PARD3: variants seen among roughly 807,000 people sequenced by gnomAD.
PARD3 encodes par-3 family cell polarity regulator.
PARD3 carries 75 observed loss-of-function variants against 155.4 expected under a neutral mutation model. That is an observed-to-expected ratio of 0.48 (90% CI 0.40 to 0.58). The LOEUF (loss-of-function observed/expected upper bound fraction) is 0.58, where lower values mean the gene tolerates loss of function less well. Ranked by LOEUF, PARD3 falls within the 20% of genes least tolerant of loss-of-function variation. PARD3 has a pLI of 0.00. For missense variants in PARD3, 1,642 were observed against 1,721.7 expected, an observed-to-expected ratio of 0.95 and a Z score of 0.82; for synonymous variants, 576 against 610.5, an observed-to-expected ratio of 0.94 and a Z score of 0.83.
At chr10:34,669,631 C>T (rs1160125139) in intron 2 of PARD3, among the ~76,000 whole-genome samples, 3 of 151,934 alleles carry the variant, frequency 2.0e-5, no homozygotes, top group Non-Finnish European at 4.4e-5. Context: ...ATTACCTTAC[C>T]TACTAACAAA....
At chr10:34,548,791 T>C (rs1168352214) in intron 2 of PARD3, among the ~76,000 whole-genome samples, 2 of 151,050 alleles carry the variant, frequency 1.3e-5, no homozygotes, top group Non-Finnish European at 2.9e-5. Flanking sequence ...TTGCAAATAC[T>C]TTGAACAAAA....
chr10:34,668,333 T>C (rs921531319), intron 2 of PARD3, among the ~76,000 whole-genome samples: 1 of 152,204 alleles, frequency 6.6e-6, no homozygotes, highest in South Asian at 2.1e-4. Flanking sequence ...CTTTTCATTA[T>C]AGTATTGTCT....
chr10:34,188,999 AGAGGTTTTAC>A (rs1439079631), intron 22 of PARD3, among the ~76,000 whole-genome samples: 1 of 152,106 alleles, frequency 6.6e-6, no homozygotes, highest in African/African-American at 2.4e-5. Context: ...AGATCCTTCC[AGAGGTTTTAC>A]GAGGTCAAAA....
chr10:34,781,488 T>G (rs1225721034), intron 1 of PARD3, among the ~76,000 whole-genome samples: 1 of 152,124 alleles, frequency 6.6e-6, no homozygotes, highest in African/African-American at 2.4e-5. Flanking sequence ...AAAAGGAAAA[T>G]GAACGAAAGA....
chr10:34,665,911 GA>G (rs2093457851), intron 2 of PARD3, among the ~76,000 whole-genome samples: 2 of 89,810 alleles, frequency 2.2e-5, no homozygotes, highest in South Asian at 2.7e-4. Context: ...AGAACAAAAA[GA>G]AAAGAAAAGA....
chr10:34,800,807 G>A (rs1194987077), intron 1 of PARD3, among the ~76,000 whole-genome samples: 1 of 142,994 alleles, frequency 7.0e-6, no homozygotes, highest in Non-Finnish European at 1.5e-5. Flanking sequence ...TAATGCCCCT[G>A]ATAAAAGCAC....
intron 2 of PARD3, among the ~76,000 whole-genome samples, chr10:34,527,696 A>G (rs1040267866): frequency 2.6e-5 from 4 of 152,214 alleles, no homozygotes; most frequent in Non-Finnish European, 5.9e-5. Context: ...CCACAAACCA[A>G]TATTAGCAAA....
intron 15 of PARD3, chr10:34,345,894 T>C (rs760646218): frequency 1.3e-5 from 13 of 985,272 alleles, no homozygotes; most frequent in Non-Finnish European, 1.3e-5. Flanking sequence ...ATTTTCAAAT[T>C]TGCAAAACAC....
At chr10:34,528,248 C>T (rs2082609908) in intron 2 of PARD3, among the ~76,000 whole-genome samples, 2 of 152,148 alleles carry the variant, frequency 1.3e-5, no homozygotes, top group South Asian at 4.1e-4. Flanking sequence ...TAGTCAAGCA[C>T]AAAGAGTTTA....
intron 1 of PARD3, among the ~76,000 whole-genome samples, chr10:34,715,777 C>T (rs1354973498): frequency 3.9e-5 from 6 of 152,172 alleles, no homozygotes; most frequent in South Asian, 2.1e-4. Context: ...GCAGGGTCAT[C>T]GCAATGAATG....
intron 1 of PARD3, among the ~76,000 whole-genome samples, chr10:34,803,228 G>A (rs1267217744): frequency 3.6e-5 from 5 of 140,472 alleles, no homozygotes; most frequent in Non-Finnish European, 7.5e-5. Flanking sequence ...AACAGAGTGA[G>A]ACTCCGTCTC....
intron 22 of PARD3, among the ~76,000 whole-genome samples, chr10:34,198,587 A>T (rs1951064447): frequency 6.6e-6 from 1 of 151,848 alleles, no homozygotes; most frequent in East Asian, 1.9e-4. Flanking sequence ...ACTTTTCTGC[A>T]TTTTAGAATA....
At position 34,341,731 on chromosome 10, in the gene PARD3, T is replaced by A. The variant is rs1307292270; in HGVS notation, c.2304A>T (p.Pro768=). Residue 768 remains proline, a synonymous_variant, in exon 16 of 25, where the codon CCA becomes CCT. Coordinates refer to ENST00000374788, the MANE Select transcript of PARD3 (RefSeq NM_001184785.2). ...IEDDRLPVLP[P]HLSDQSSSSS... ...TGGAAGAGGACTGGTCAGAGAGATG[T>A]GGAGGAAGCACTGGCAACCTGTCAT... 6.2e-6 allele frequency: 10 copies of A among 1,613,796 alleles called. No homozygotes were observed. The South Asian group carries it at 9.9e-5, about 16-fold the overall frequency.
chr10:34,129,458 T>A (rs1947471454), intron 23 of PARD3, among the ~76,000 whole-genome samples: 1 of 152,160 alleles, frequency 6.6e-6, no homozygotes, highest in Non-Finnish European at 1.5e-5. Context: ...TGGCCTGCAA[T>A]CATTTATTCT....
Position 34,284,205 on chromosome 10 carries a change from C to T in PARD3, c.3106G>A (p.Gly1036Ser), listed in dbSNP as rs748595318. 6 of 1,609,410 alleles carry T rather than the reference C, an allele frequency of 3.7e-6. No individual in the cohort carries two copies. Among genetic ancestry groups the T allele is most frequent in the Non-Finnish European group, 5.1e-6 (6 of 1,178,040 alleles). Residue 1036 changes from glycine (G) to serine (S), a missense_variant, in exon 21 of 25, where the codon GGT becomes AGT. Around this residue, in one of 3 missense-constraint regions of PARD3, gnomAD observed 1,529 missense variants for 1,587.3 expected, o/e 0.96. Transcript: ENST00000374788. The part of the protein sequence containing the change: ...HRKDDKIEKT[G>S]KIKIQESFTS... ...AAGGATTCCTGTATTTTTATTTTAC[C>T]CGTTTTCTCAATCTTGTCATCTTTT...
intron 2 of PARD3, among the ~76,000 whole-genome samples, chr10:34,585,848 C>T (rs186570815): frequency 3.2e-4 from 49 of 152,236 alleles, no homozygotes; most frequent in African/African-American, 1.2e-3. Flanking sequence ...AGAACACACA[C>T]AACAGACACA....
chr10:34,178,392 T>C (rs1950126009), intron 22 of PARD3, among the ~76,000 whole-genome samples: 1 of 152,216 alleles, frequency 6.6e-6, no homozygotes, highest in Non-Finnish European at 1.5e-5. Flanking sequence ...CCAAGATCAC[T>C]TTGCACCACA....
intron 2 of PARD3, among the ~76,000 whole-genome samples, chr10:34,624,219 G>A (rs530035866): frequency 1.3e-5 from 2 of 152,272 alleles, no homozygotes; most frequent in African/African-American, 4.8e-5. Flanking sequence ...TTCTAAGCAG[G>A]AAAAGGTGTG....
intron 1 of PARD3, among the ~76,000 whole-genome samples, chr10:34,799,462 T>C (rs186569827): frequency 6.6e-6 from 1 of 152,256 alleles, no homozygotes; most frequent in African/African-American, 2.4e-5. Flanking sequence ...GCAAGGGTCT[T>C]TGACAGCTAG....
Sources: allele counts gnomAD v4.1 joint callset (sites outside exome capture counted in the v4.1 genomes callset), GRCh38; gene constraint gnomAD v4.1.1; regional missense constraint gnomAD v4.1.1; transcripts MANE v1.5; gene names NCBI Gene and HGNC (gene_info 2026-07-23, HGNC 2026-07-21).